AGMO: variants seen among roughly 807,000 people sequenced by gnomAD.
AGMO encodes the protein alkylglycerol monooxygenase, also known as glyceryl-ether monooxygenase.
In AGMO, 75 loss-of-function variants were observed where a neutral mutation model predicts 60.2. The observed-to-expected ratio is 1.25, with a 90% confidence interval of 1.03 to 1.51. The LOEUF is 1.51. Among genes scored for constraint, AGMO ranks in the 40% most tolerant of loss-of-function variants. The pLI is 0.00. For missense variants in AGMO, 763 were observed against 525.5 expected (o/e 1.45, Z -4.42); for synonymous variants, 261 against 177.1 (o/e 1.47, Z -3.76).
At chr7:15,394,671 T>C (rs1392719802) in intron 5 of AGMO, among the ~76,000 whole-genome samples, 1 of 152,178 alleles carries the variant, frequency 6.6e-6, no homozygotes, top group Non-Finnish European at 1.5e-5. Flanking sequence ...AGGGTATAAC[T>C]AGGAGAGTGA....
intron 3 of AGMO, among the ~76,000 whole-genome samples, chr7:15,544,104 G>C (rs1393964284): frequency 6.6e-6 from 1 of 151,924 alleles, no homozygotes; most frequent in Non-Finnish European, 1.5e-5. Flanking sequence ...ATTATTCTAA[G>C]TGAATTAACT....
intron 12 of AGMO, among the ~76,000 whole-genome samples, chr7:15,221,301 G>C (rs979902317): frequency 6.6e-6 from 1 of 152,036 alleles, no homozygotes; most frequent in African/African-American, 2.4e-5. Flanking sequence ...CTGAGCTCTT[G>C]TAAGTCATCT....
chr7:15,421,914 T>C (rs1780937673), intron 4 of AGMO, among the ~76,000 whole-genome samples: 1 of 152,060 alleles, frequency 6.6e-6, no homozygotes, highest in Admixed American at 6.6e-5. Flanking sequence ...CAGAAAGAGT[T>C]GCAGTAAATG....
intron 12 of AGMO, among the ~76,000 whole-genome samples, chr7:15,292,154 C>T (rs528699917): frequency 8.5e-5 from 13 of 152,064 alleles, no homozygotes; most frequent in Admixed American, 8.5e-4. Context: ...ATATGCTGTG[C>T]AAGAGGTGAT....
chr7:15,430,924 T>TTTTTTTC, intron 4 of AGMO, 81 bp downstream of exon 4: 1 of 706,832 alleles, frequency 1.4e-6, no homozygotes, highest in Non-Finnish European at 2.1e-6. Context: ...ATTAGTTTTT[T>TTTTTTTC]TTTTTTTTTG....
Position 15,534,859 on chromosome 7 carries a change from G to A in AGMO, c.409+9913C>T, listed in dbSNP as rs145141771. Among the ~76,000 whole-genome samples the A allele has an allele frequency of 3.4e-3, 522 of 151,780 alleles. 1 individual carries two copies. Among genetic ancestry groups the A allele is most frequent in the Non-Finnish European group, 5.7e-3 (389 of 67,776 alleles). On this transcript the variant is annotated intron_variant, in intron 3 of 12. Coordinates refer to ENST00000342526, the MANE Select transcript of AGMO (RefSeq NM_001004320.2). ...TAAGGCAATTCTTATAACTACCAAT[G>A]TATTTTAATATTATTTAGAGAAAAC...
At chr7:15,168,635 G>A in the AGMO span, among the ~76,000 whole-genome samples, 10 of 152,166 alleles carry the variant, frequency 6.6e-5, no homozygotes, top group Non-Finnish European at 2.9e-5. Flanking sequence ...TCTTTCCTTA[G>A]GAGGCAGGCT....
intron 12 of AGMO, among the ~76,000 whole-genome samples, chr7:15,254,038 T>C (rs926537448): frequency 1.3e-5 from 2 of 152,186 alleles, no homozygotes; most frequent in African/African-American, 4.8e-5. Flanking sequence ...CAGGCAAATA[T>C]GATAGAATTT....
the AGMO span, among the ~76,000 whole-genome samples, chr7:15,129,286 TGGC>T: frequency 7.6e-6 from 1 of 132,306 alleles, no homozygotes; most frequent in Non-Finnish European, 1.8e-5. Context: ...TTATAGTGCC[TGGC>T]CATTGTTCAG....
the AGMO span, among the ~76,000 whole-genome samples, chr7:15,184,108 A>T: frequency 6.6e-6 from 1 of 152,152 alleles, no homozygotes; most frequent in African/African-American, 2.4e-5. Context: ...CATATACTCA[A>T]TATATATCAA....
chr7:15,228,351 A>G (rs1189129551), intron 12 of AGMO, among the ~76,000 whole-genome samples: 1 of 152,154 alleles, frequency 6.6e-6, no homozygotes, highest in African/African-American at 2.4e-5. Flanking sequence ...AGATTCATAG[A>G]GCTCAAGGAA....
At chr7:15,346,245 G>C (rs936636612) in intron 12 of AGMO, among the ~76,000 whole-genome samples, 1 of 152,054 alleles carries the variant, frequency 6.6e-6, no homozygotes. Context: ...GCATTACATG[G>C]ACTCTACATT....
At chr7:15,282,705 C>T (rs1159617774) in intron 12 of AGMO, among the ~76,000 whole-genome samples, 1 of 152,048 alleles carries the variant, frequency 6.6e-6, no homozygotes, top group Admixed American at 6.5e-5. Flanking sequence ...CTTTGTTAGG[C>T]AAATTTAGAT....
chr7:15,532,933 A>G (rs1240326068), intron 3 of AGMO, among the ~76,000 whole-genome samples: 2 of 152,000 alleles, frequency 1.3e-5, no homozygotes, highest in Non-Finnish European at 2.9e-5. Context: ...GGAGGTTGCA[A>G]TGAGCCGAGA....
At chr7:15,165,385 T>C in the AGMO span, among the ~76,000 whole-genome samples, 1 of 152,104 alleles carries the variant, frequency 6.6e-6, no homozygotes, top group African/African-American at 2.4e-5. Context: ...TCTATAAACA[T>C]TAAAAAATTC....
At chr7:15,419,095 A>G (rs535451835) in intron 4 of AGMO, among the ~76,000 whole-genome samples, 1 of 152,010 alleles carries the variant, frequency 6.6e-6, no homozygotes, top group South Asian at 2.1e-4. Context: ...AAAATAAATT[A>G]ATTTCATACA....
chr7:15,244,649 GTTTGT>G (rs1246563526), intron 12 of AGMO, among the ~76,000 whole-genome samples: 4 of 151,532 alleles, frequency 2.6e-5, no homozygotes, highest in Non-Finnish European at 5.9e-5. Flanking sequence ...TTGTTTGTTT[GTTTGT>G]TTTGTTTTTT....
intron 12 of AGMO, among the ~76,000 whole-genome samples, chr7:15,233,293 A>T (rs1336134652): frequency 6.6e-6 from 1 of 152,184 alleles, no homozygotes. Context: ...ATTACCAGCC[A>T]CAGGTTGATA....
intron 12 of AGMO, among the ~76,000 whole-genome samples, chr7:15,347,314 T>C (rs939098115): frequency 2.6e-5 from 4 of 152,052 alleles, no homozygotes; most frequent in African/African-American, 4.8e-5. Context: ...CAGAGCACAT[T>C]TGTGAATTGT....
Sources: gnomAD v4.1 joint callset for allele counts (sites outside exome capture counted in the v4.1 genomes callset) on GRCh38, gnomAD v4.1.1 for gene constraint, MANE v1.5 for transcripts, NCBI Gene and HGNC (gene_info 2026-07-23, HGNC 2026-07-21) for gene names.